NFX1: variants seen among roughly 807,000 people sequenced by gnomAD.
NFX1 encodes the protein nuclear transcription factor, X-box binding 1.
NFX1 carries 69 observed loss-of-function variants against 137.2 expected under a neutral mutation model. That is an observed-to-expected ratio of 0.50 (90% CI 0.41 to 0.61). NFX1 has a LOEUF of 0.61. NFX1 is among the 20% of genes least tolerant of loss of function. The pLI is 0.00. For missense variants in NFX1, 1,167 were observed against 1,391.0 expected, an observed-to-expected ratio of 0.84 and a Z score of 2.56; for synonymous variants, 495 against 474.1, an observed-to-expected ratio of 1.04 and a Z score of -0.57.
intron 17 of NFX1, 112 bp downstream of exon 17, chr9:33,352,831 A>C (rs1289609184): frequency 2.5e-6 from 2 of 788,808 alleles, no homozygotes; most frequent in East Asian, 2.6e-5. Context: ...GAAGAAACGA[A>C]GTCTGTAACT....
At chr9:33,340,733 A>G (rs1052785416) in intron 12 of NFX1, among the ~76,000 whole-genome samples, 3 of 152,152 alleles carry the variant, frequency 2.0e-5, no homozygotes, top group African/African-American at 7.2e-5. Context: ...CTACTTAGAA[A>G]TTTCTTCCAC....
Position 33,364,015 on chromosome 9 carries a change from T to A in NFX1, c.2879T>A (p.Leu960Ter). ...TACCTCTCTCTCTCTTTCAGGAGAT[T>A]AGCAGAGGCATTTCATATCAGTGAG... ...ECSALERKKRLAEAFHISEDS... is the reference protein window; with the variant it reads ...ECSALERKKR Residue 960 changes from leucine (L) to a stop codon, truncating the protein, a stop_gained, in exon 20 of 24, where the codon TTA becomes TAA. Coordinates refer to ENST00000379540, the MANE Select transcript of NFX1 (RefSeq NM_002504.6). LOFTEE classifies it high-confidence loss of function. 1 of 1,580,416 alleles carries A rather than the reference T, an allele frequency of 6.3e-7. No individual in the cohort carries two copies. The highest frequency in any genetic ancestry group is 8.6e-7 in the Non-Finnish European group (1 of 1,164,354).
intron 7 of NFX1, among the ~76,000 whole-genome samples, chr9:33,314,491 G>T (rs920753194): frequency 1.3e-5 from 2 of 151,742 alleles, no homozygotes; most frequent in Non-Finnish European, 2.9e-5. Context: ...AGCCTGGCCA[G>T]CATGGTGAAA....
At chr9:33,369,823 T>C (rs541564618) in intron 23 of NFX1, 83 bp from the exon 24 acceptor site, 1 of 943,210 alleles carries the variant, frequency 1.1e-6, no homozygotes, top group South Asian at 1.5e-5. Flanking sequence ...AAATGGTAAA[T>C]CAGCTGATCC....
intron 2 of NFX1, among the ~76,000 whole-genome samples, chr9:33,299,935 C>T (rs574124649): frequency 2.8e-4 from 43 of 152,044 alleles, no homozygotes; most frequent in African/African-American, 8.7e-4. Context: ...TTACAGTGTG[C>T]GCTTTTGAGT....
At chr9:33,358,154 T>G (rs1283651736) in intron 19 of NFX1, among the ~76,000 whole-genome samples, 1 of 152,144 alleles carries the variant, frequency 6.6e-6, no homozygotes, top group Non-Finnish European at 1.5e-5. Flanking sequence ...AGACAGAGTC[T>G]CGTTCTGTTT....
At chr9:33,335,635 T>G (rs553248476) in intron 11 of NFX1, among the ~76,000 whole-genome samples, 5 of 152,286 alleles carry the variant, frequency 3.3e-5, no homozygotes, top group African/African-American at 9.6e-5. Context: ...CATGTTGGCC[T>G]CCCAAAGTGC....
chr9:33,364,152 G>T, intron 20 of NFX1, 44 bp downstream of exon 20: 2 of 1,428,026 alleles, frequency 1.4e-6, no homozygotes, highest in Non-Finnish European at 1.9e-6. Context: ...GCTTGTCAGG[G>T]TGTTTGGTCT....
chr9:33,303,754 C>T (rs867333494), intron 4 of NFX1, among the ~76,000 whole-genome samples: 1 of 152,184 alleles, frequency 6.6e-6, no homozygotes, highest in Non-Finnish European at 1.5e-5. Context: ...TTTTGAATAT[C>T]TCAGTTCCCC....
At chr9:33,329,184 T>C (rs1822707659) in intron 10 of NFX1, among the ~76,000 whole-genome samples, 1 of 152,218 alleles carries the variant, frequency 6.6e-6, no homozygotes, top group Admixed American at 6.5e-5. Context: ...GGAACTTCAT[T>C]TGTCCTTTCC....
chr9:33,341,972 T>C (rs765000713), intron 12 of NFX1, among the ~76,000 whole-genome samples: 4 of 151,662 alleles, frequency 2.6e-5, no homozygotes, highest in Non-Finnish European at 5.9e-5. Flanking sequence ...AAAACTTACC[T>C]GGACATTGTT....
In NFX1 at chr9:33,367,548, A is replaced by G; in HGVS notation, c.3219A>G (p.Thr1073=). The part of the protein sequence containing the change: ...GKSVCPPTTL[T]GVLEREMQAR... ...CCGTTTGTCCTCCTACCACGCTGAC[A>G]GGTGTGCTTGAAAGGGAAATGCAGG... Residue 1073 remains threonine (T), a synonymous_variant, in exon 23 of 24, where the codon ACA becomes ACG. Coordinates refer to ENST00000379540, the MANE Select transcript of NFX1 (RefSeq NM_002504.6). The G allele has an allele frequency of 1.9e-6, 3 of 1,613,952 alleles. No homozygotes were observed. The highest frequency in any genetic ancestry group is 2.5e-6 in the Non-Finnish European group (3 of 1,179,866).
chr9:33,292,062 C>T (rs1288397171), intron 1 of NFX1, among the ~76,000 whole-genome samples: 6 of 152,188 alleles, frequency 3.9e-5, no homozygotes, highest in African/African-American at 1.4e-4. Flanking sequence ...TTGATCGTCT[C>T]ATCCACAGGC....
intron 11 of NFX1, 143 bp from the exon 12 acceptor site, chr9:33,338,367 A>C (rs967560172): frequency 2.3e-5 from 17 of 754,474 alleles, no homozygotes; most frequent in Admixed American, 5.5e-5. Context: ...AAAACAAAAC[A>C]AAACAAAAAA....
chr9:33,338,993 A>G (rs1823117359), intron 12 of NFX1, among the ~76,000 whole-genome samples: 1 of 152,166 alleles, frequency 6.6e-6, no homozygotes, highest in African/African-American at 2.4e-5. Flanking sequence ...AGGAAAAATT[A>G]TTAGGACATT....
intron 19 of NFX1, among the ~76,000 whole-genome samples, chr9:33,357,699 G>T (rs1480905282): frequency 1.3e-5 from 2 of 149,644 alleles, no homozygotes; most frequent in East Asian, 4.0e-4. Context: ...GCCTGGCTAA[G>T]ATTTTCTTTT....
intron 15 of NFX1, chr9:33,347,567 T>C (rs566479220): frequency 4.7e-4 from 91 of 194,714 alleles, no homozygotes; most frequent in Non-Finnish European, 9.1e-4. Flanking sequence ...AGGGAACACT[T>C]TTACACTGCT....
chr9:33,307,343 C>T (rs758485096), intron 5 of NFX1, 44 bp downstream of exon 5: 44 of 1,529,418 alleles, frequency 2.9e-5, no homozygotes, highest in Non-Finnish European at 3.7e-5. Context: ...GGTGGACATG[C>T]TTTGCTGGTG....
intron 9 of NFX1, among the ~76,000 whole-genome samples, chr9:33,323,815 C>T (rs866447935): frequency 6.6e-5 from 10 of 151,064 alleles, no homozygotes; most frequent in African/African-American, 1.5e-4. Flanking sequence ...GAAGGGAAAC[C>T]ATACTTAAAG....
Sources: allele counts gnomAD v4.1 joint callset (sites outside exome capture counted in the v4.1 genomes callset), GRCh38; gene constraint gnomAD v4.1.1; transcripts MANE v1.5; gene names NCBI Gene and HGNC (gene_info 2026-07-23, HGNC 2026-07-21).